The following NUP62CL variants were observed in gnomAD, a reference collection of about 807,000 sequenced individuals.
NUP62CL encodes the protein nucleoporin 62 C-terminal like, also known as nucleoporin-62 C-terminal-like protein.
A neutral mutation model predicts 15.3 loss-of-function variants in NUP62CL; 13 were observed. The observed-to-expected ratio is 0.85, with a 90% CI of 0.55 to 1.35. The LOEUF (loss-of-function observed/expected upper bound fraction) is 1.35. Ranked by LOEUF, NUP62CL falls within the 40% of genes most tolerant of loss-of-function variation. The pLI is 0.00. For missense variants in NUP62CL, 123 were observed against 130.6 expected (o/e 0.94, Z 0.28); for synonymous variants, 54 against 49.2 (o/e 1.10, Z -0.41).
rs759526818 is a variant in NUP62CL, at chrX:107,176,787, C to T, written c.-47-1594G>A. ...ATCCAATACCCTTTCATGGCAGAAA[C>T]ACTCAACAAATTAGGAAGAGAAGGG... On this transcript the variant is annotated intron_variant, in intron 2 of 8. Coordinates refer to ENST00000372466, the MANE Select transcript of NUP62CL (RefSeq NM_017681.3). Among the ~76,000 whole-genome samples the T allele has an allele frequency of 3.6e-5, 4 of 111,110 alleles. No homozygotes were observed. In the South Asian group the frequency reaches 1.5e-3, roughly 42 times the overall value.
At chrX:107,174,274 C>T (rs1402226711) in intron 3 of NUP62CL, among the ~76,000 whole-genome samples, 2 of 107,371 alleles carry the variant, frequency 1.9e-5, no homozygotes, top group African/African-American at 6.8e-5. Context: ...ACCTAAGCCT[C>T]CCCAGTAGCT....
chrX:107,152,117 G>GATAT (rs3072230), intron 7 of NUP62CL, among the ~76,000 whole-genome samples: 12 of 34,740 alleles, frequency 3.5e-4, no homozygotes, highest in African/African-American at 1.3e-3. Context: ...TATATATTCA[G>GATAT]ATATATATAT....
intron 2 of NUP62CL, 34 bp from the exon 3 acceptor site, chrX:107,175,227 C>T: frequency 1.5e-6 from 1 of 652,176 alleles, no homozygotes; most frequent in Non-Finnish European, 2.4e-6. Flanking sequence ...AAAAATATGT[C>T]ACTAAAAATA....
intron 1 of NUP62CL, among the ~76,000 whole-genome samples, chrX:107,205,769 T>G (rs1927662347): frequency 9.0e-6 from 1 of 110,814 alleles, no homozygotes; most frequent in South Asian, 3.9e-4. Flanking sequence ...TAAGTGAACT[T>G]AAGACAACCA....
intron 3 of NUP62CL, among the ~76,000 whole-genome samples, chrX:107,168,888 G>A (rs1212249621): frequency 2.7e-5 from 3 of 112,084 alleles, no homozygotes; most frequent in Non-Finnish European, 5.6e-5. Flanking sequence ...AGGCTGGCCT[G>A]AGGGAACATT....
intron 8 of NUP62CL, among the ~76,000 whole-genome samples, chrX:107,126,636 A>G (rs6622156): frequency 0.24 from 26,498 of 111,471 alleles, 2,576 homozygotes; most frequent in East Asian, 0.47. Flanking sequence ...GGACAACTGG[A>G]TATCTACATC....
chrX:107,153,501 A>T lies in NUP62CL; in HGVS notation c.348T>A (p.Ile116=). 1 of 1,100,337 alleles carries T rather than the reference A, an allele frequency of 9.1e-7. No individual in the cohort carries two copies. The highest frequency in any genetic ancestry group is 1.2e-6 in the Non-Finnish European group (1 of 816,787). 90.7% of individuals were successfully genotyped at this position (1,100,337 alleles called of 1,213,427 possible). A position where few individuals can be genotyped will look rare whatever the true frequency, so the allele number is the denominator to read the frequency against. ...DHTLIENGEM[I]RILHGEVNKV... The stretch of plus-strand genomic sequence containing the variant: ...TGTTCACTTCTCCATGTAAAATACG[A>T]ATCTATAAAGAGAAATATGAATACA... Residue 116 remains isoleucine (I), a splice_region_variant and synonymous_variant, in exon 6 of 9, where the codon ATT becomes ATA. Transcript: ENST00000372466.
intron 2 of NUP62CL, among the ~76,000 whole-genome samples, chrX:107,179,965 T>A (rs1926875492): frequency 1.2e-5 from 1 of 83,170 alleles, no homozygotes; most frequent in African/African-American, 9.0e-5. Flanking sequence ...AATCTTTCCA[T>A]CATTTTTTCT....
At chrX:107,131,276 T>A (rs1386453146) in intron 8 of NUP62CL, among the ~76,000 whole-genome samples, 2 of 111,566 alleles carry the variant, frequency 1.8e-5, no homozygotes, top group Admixed American at 9.5e-5. Flanking sequence ...ATAATCATCA[T>A]CACTTACTGA....
rs748223293 is a variant in NUP62CL at position 107,190,146 on chromosome X, A to C, written c.-48+2883T>G. On this transcript the variant is annotated intron_variant, in intron 2 of 8. Coordinates refer to ENST00000372466, the MANE Select transcript of NUP62CL (RefSeq NM_017681.3). ...GTATTTTACTGCAACCTAACTGGAA[A>C]CTGGTTACCCATATATAGTATATAA... is the stretch of plus-strand genomic sequence containing the variant. Among the ~76,000 whole-genome samples, 6 of 111,759 alleles carry C rather than the reference A, an allele frequency of 5.4e-5. No homozygotes were observed. The South Asian group carries it at 2.3e-3, about 42-fold the overall frequency.
rs1482992707 is a variant in NUP62CL, at chrX:107,184,292, AAGAGAAG to A, written c.-48+8730_-48+8736del. ...GAAAAAACCCGCCTCAGCACAAAAAAAGAGAAGAAAGAAAGAAAGAAAGAAAGAAAGA... is the reference window on the plus strand; with the variant it reads ...GAAAAAACCCGCCTCAGCACAAAAAAAAAGAAAGAAAGAAAGAAAGAAAGA... On this transcript the variant is annotated intron_variant, in intron 2 of 8. Coordinates refer to ENST00000372466, the MANE Select transcript of NUP62CL (RefSeq NM_017681.3). Among the ~76,000 whole-genome samples, 412 of 54,324 alleles carry A rather than the reference AAGAGAAG, an allele frequency of 7.6e-3. 1 individual carries two copies. Among genetic ancestry groups the A allele is most frequent in the African/African-American group, 0.035 (374 of 10,571 alleles). 47.2% of individuals were successfully genotyped at this position (54,324 alleles called of 115,157 possible). A position where few individuals can be genotyped will look rare whatever the true frequency, so the allele number is the denominator to read the frequency against.
At chrX:107,154,875 G>T (rs1477461738) in intron 4 of NUP62CL, among the ~76,000 whole-genome samples, 1 of 111,465 alleles carries the variant, frequency 9.0e-6, no homozygotes, top group African/African-American at 3.3e-5. Flanking sequence ...CCTCCACCAG[G>T]GTTCTTTCTG....
chrX:107,138,495 G>A (rs890450923), intron 8 of NUP62CL, among the ~76,000 whole-genome samples: 1 of 111,824 alleles, frequency 8.9e-6, no homozygotes, highest in African/African-American at 3.3e-5. Flanking sequence ...TTAGAAAATG[G>A]ACAGAGGACA....
chrX:107,199,890 T>C (rs1451256675), intron 1 of NUP62CL, among the ~76,000 whole-genome samples: 4 of 111,779 alleles, frequency 3.6e-5, no homozygotes, highest in African/African-American at 1.3e-4. Flanking sequence ...AGTAGAAAAA[T>C]CTAAGCCTCA....
intron 2 of NUP62CL, among the ~76,000 whole-genome samples, chrX:107,177,082 A>T (rs1438859326): frequency 8.9e-6 from 1 of 112,047 alleles, no homozygotes; most frequent in Non-Finnish European, 1.9e-5. Context: ...GAAATAAAAA[A>T]AATCTACTAG....
At chrX:107,133,596 C>T (rs1925570166) in intron 8 of NUP62CL, among the ~76,000 whole-genome samples, 1 of 112,235 alleles carries the variant, frequency 8.9e-6, no homozygotes, top group Non-Finnish European at 1.9e-5. Context: ...CTTGGCCTCT[C>T]AATGTGCTGG....
intron 4 of NUP62CL, among the ~76,000 whole-genome samples, chrX:107,162,928 A>C (rs1431665623): frequency 9.0e-6 from 1 of 111,152 alleles, no homozygotes; most frequent in African/African-American, 3.3e-5. Context: ...ATGAGAATCT[A>C]ATGTCTGATC....
chrX:107,134,736 ATCATGCCTGGCCCAAAGAATTTTTTTCTT>A (rs1226078781), intron 8 of NUP62CL, among the ~76,000 whole-genome samples: 1 of 111,707 alleles, frequency 9.0e-6, no homozygotes, highest in Non-Finnish European at 1.9e-5. Flanking sequence ...GGTGTGAGCC[ATCATGCCTGGCCCAAAGAATTTTTTTCTT>A]TCAAAAGTTT....
rs760109479 is a variant in NUP62CL at position 107,191,460 on chromosome X, A to C, written c.-48+1569T>G. 1.3e-4 allele frequency among the ~76,000 whole-genome samples: 14 copies of C among 110,585 alleles called. 1 individual carries two copies. The highest frequency in any genetic ancestry group is 4.6e-4 in the African/African-American group (14 of 30,385). On this transcript the variant is annotated intron_variant, in intron 2 of 8. Coordinates refer to ENST00000372466, the MANE Select transcript of NUP62CL (RefSeq NM_017681.3). ...CGCCGTGGCTCACACCTGTAATCCCAGCACTTTGGGAGGCCGAGGCAGGTG... is the reference window on the plus strand; with the variant it reads ...CGCCGTGGCTCACACCTGTAATCCCCGCACTTTGGGAGGCCGAGGCAGGTG...
Sources: allele counts gnomAD v4.1 joint callset (sites outside exome capture counted in the v4.1 genomes callset), GRCh38; gene constraint gnomAD v4.1.1; transcripts MANE v1.5; gene names NCBI Gene and HGNC (gene_info 2026-07-23, HGNC 2026-07-21).